ENTPD1: variants seen among roughly 807,000 people sequenced by gnomAD.
ENTPD1 encodes the protein ATP diphosphohydrolase.
ENTPD1 carries 33 observed loss-of-function variants against 57.0 expected under a neutral mutation model. That is an observed-to-expected ratio of 0.58 (90% CI 0.44 to 0.77). The LOEUF (loss-of-function observed/expected upper bound fraction) is 0.77, where lower values mean the gene tolerates loss of function less well. Ranked by LOEUF, ENTPD1 falls within the 30% of genes least tolerant of loss-of-function variation. The pLI is 0.00. For missense variants in ENTPD1, 501 were observed against 603.4 expected (o/e 0.83, Z 1.78); for synonymous variants, 202 against 218.8 (o/e 0.92, Z 0.68).
chr10:95,816,952 C>T (rs976808467), intron 1 of ENTPD1, among the ~76,000 whole-genome samples: 4 of 152,174 alleles, frequency 2.6e-5, no homozygotes, highest in Admixed American at 6.5e-5. Context: ...TAGGCTATTA[C>T]GTGTTGTTAG....
the ENTPD1 span, among the ~76,000 whole-genome samples, chr10:95,706,249 T>C: frequency 6.6e-6 from 1 of 152,244 alleles, no homozygotes; most frequent in Non-Finnish European, 1.5e-5. Flanking sequence ...ATGGGATCTT[T>C]GGGTTGTCAA....
At chr10:95,742,630 A>G (rs779050400) in intron 1 of ENTPD1, among the ~76,000 whole-genome samples, 28 of 151,900 alleles carry the variant, frequency 1.8e-4, no homozygotes, top group Non-Finnish European at 3.7e-4. Flanking sequence ...GTTCAATGTA[A>G]CAAGGCCATT....
At chr10:95,826,558 T>G (rs1590037997) in intron 2 of ENTPD1, among the ~76,000 whole-genome samples, 1 of 119,918 alleles carries the variant, frequency 8.3e-6, no homozygotes, top group Admixed American at 1.1e-4. Flanking sequence ...GGCTACAGAG[T>G]GAGACGCCAA....
chr10:95,804,027 AT>A (rs2098261892), intron 1 of ENTPD1, among the ~76,000 whole-genome samples: 1 of 151,994 alleles, frequency 6.6e-6, no homozygotes, highest in African/African-American at 2.4e-5. Flanking sequence ...GTGTGGTGTT[AT>A]TTCTGAGGCC....
rs1378575341 is a variant in ENTPD1 at position 95,795,726 on chromosome 10, G to A, written c.17-27511G>A. Among the ~76,000 whole-genome samples, 3 of 152,190 alleles carry A rather than the reference G, an allele frequency of 2.0e-5. No individual in the cohort carries two copies. The East Asian group carries it at 5.8e-4, about 29-fold the overall frequency. ...TGCAGCTAGTAAGAGGCAGGGTTGA[G>A]ATCCCATTTCATAGGAGATGCATCA... is the stretch of plus-strand genomic sequence containing the variant. On this transcript the variant is annotated intron_variant, in intron 1 of 9. Transcript: ENST00000371205.
intron 2 of ENTPD1, among the ~76,000 whole-genome samples, chr10:95,828,481 A>G (rs1489641076): frequency 3.3e-5 from 5 of 151,846 alleles, no homozygotes; most frequent in Non-Finnish European, 7.4e-5. Flanking sequence ...TCCCAAAACC[A>G]TTTCCCCCTC....
Position 95,801,908 on chromosome 10 carries a change from AT to A in ENTPD1, c.17-21327del, listed in dbSNP as rs1589890292. Among the ~76,000 whole-genome samples, 4 of 152,324 alleles carry A rather than the reference AT, an allele frequency of 2.6e-5. No homozygotes were observed. The East Asian group carries it at 7.7e-4, about 29-fold the overall frequency. ...AATAGGAATAGCATTGAATCTATAA[AT>A]TGCTTTGGGCGGTATGGCCATTTTA... On this transcript the variant is annotated intron_variant, in intron 1 of 9. Transcript: ENST00000371205.
chr10:95,736,973 G>T (rs1190215401), intron 1 of ENTPD1, among the ~76,000 whole-genome samples: 1 of 152,136 alleles, frequency 6.6e-6, no homozygotes, highest in African/African-American at 2.4e-5. Flanking sequence ...AAGTAATTTT[G>T]TCTGTGTGTG....
intron 1 of ENTPD1, among the ~76,000 whole-genome samples, chr10:95,814,886 C>T (rs2098324679): frequency 6.6e-6 from 1 of 152,028 alleles, no homozygotes; most frequent in Non-Finnish European, 1.5e-5. Context: ...CTTCTTATTT[C>T]CTGGCTCTAT....
At chr10:95,695,617 A>G in the ENTPD1 span, among the ~76,000 whole-genome samples, 1 of 152,178 alleles carries the variant, frequency 6.6e-6, no homozygotes, top group Non-Finnish European at 1.5e-5. Context: ...CAGCTATGGG[A>G]GATATGTGTT....
intron 1 of ENTPD1, among the ~76,000 whole-genome samples, chr10:95,757,010 C>T (rs779791620): frequency 6.6e-6 from 1 of 152,164 alleles, no homozygotes; most frequent in Non-Finnish European, 1.5e-5. Context: ...TCTGCCAAGA[C>T]GGAGAGCCAG....
chr10:95,731,842 G>A (rs1477676513), intron 1 of ENTPD1, among the ~76,000 whole-genome samples: 1 of 131,002 alleles, frequency 7.6e-6, no homozygotes, highest in Non-Finnish European at 1.6e-5. Flanking sequence ...GAATACAGTG[G>A]TGTGATCTCG....
chr10:95,770,195 T>C (rs1228505788), intron 1 of ENTPD1, among the ~76,000 whole-genome samples: 2 of 145,780 alleles, frequency 1.4e-5, no homozygotes, highest in African/African-American at 5.1e-5. Context: ...ACTTTAAAGG[T>C]TGGGGATAGG....
At position 95,872,537 on chromosome 10, in the gene ENTPD1, T is replaced by C. The variant is rs1281405439; in HGVS notation, c.*6154T>C. ...CTCCAAATTTCCAAGTCAGAATGTC[T>C]CTTCCTTGTGCTACCACAACCCTTT... On this transcript the variant is annotated 3_prime_UTR_variant, in exon 10 of 10. Coordinates refer to ENST00000371205, the MANE Select transcript of ENTPD1 (RefSeq NM_001776.6). 1 of 985,150 alleles carries C rather than the reference T, an allele frequency of 1.0e-6. No homozygotes were observed. Among genetic ancestry groups the C allele is most frequent in the Non-Finnish European group, 1.2e-6 (1 of 829,648 alleles). The allele number at this position is 985,150 out of a possible 1,614,324, so 61.0% of individuals were successfully genotyped here. A position where few individuals can be genotyped will look rare whatever the true frequency, so the allele number is the denominator to read the frequency against.
chr10:95,740,278 A>G (rs1359706423), intron 1 of ENTPD1, among the ~76,000 whole-genome samples: 1 of 152,166 alleles, frequency 6.6e-6, no homozygotes, highest in Non-Finnish European at 1.5e-5. Context: ...GACACGTGCC[A>G]CCAAGCCCTC....
At chr10:95,803,183 C>A (rs2098257701) in intron 1 of ENTPD1, among the ~76,000 whole-genome samples, 1 of 152,148 alleles carries the variant, frequency 6.6e-6, no homozygotes, top group Non-Finnish European at 1.5e-5. Flanking sequence ...ATCTTCCTGT[C>A]CATGAGCATG....
chr10:95,707,591 T>C (rs988500256), upstream of ENTPD1, among the ~76,000 whole-genome samples: 4 of 152,154 alleles, frequency 2.6e-5, no homozygotes, highest in African/African-American at 9.7e-5. Context: ...GGCTCACTTT[T>C]TTTGTTGTTT....
At chr10:95,794,383 C>T (rs545159263) in intron 1 of ENTPD1, among the ~76,000 whole-genome samples, 14 of 152,254 alleles carry the variant, frequency 9.2e-5, no homozygotes, top group South Asian at 4.1e-4. Context: ...GTGCTCAGCA[C>T]GGGGGATGAA....
rs543415600 is a variant in ENTPD1, at chr10:95,711,930, A to G, written c.-27A>G. ...TTTGGTGCTGTGAACAGGATACCAA[A>G]GCTGCTCTGTTCTTCTGGAAGCTGC... On this transcript the variant is annotated 5_prime_UTR_variant, in exon 1 of 10. Transcript: ENST00000453258. The G allele has an allele frequency of 3.1e-6, 5 of 1,612,628 alleles. No homozygotes were observed. In the South Asian group the frequency reaches 5.5e-5, roughly 18 times the overall value.
Sources: gnomAD v4.1 joint callset for allele counts (sites outside exome capture counted in the v4.1 genomes callset) on GRCh38, gnomAD v4.1.1 for gene constraint, MANE v1.5 for transcripts, NCBI Gene and HGNC (gene_info 2026-07-23, HGNC 2026-07-21) for gene names.